CAMK4: variants seen among roughly 807,000 people sequenced by gnomAD.
The protein encoded by CAMK4 is calcium/calmodulin-dependent protein kinase type IV.
CAMK4 carries 22 observed loss-of-function variants against 44.9 expected under a neutral mutation model. That is an observed-to-expected ratio of 0.49 (90% CI 0.35 to 0.70). The LOEUF (loss-of-function observed/expected upper bound fraction) is 0.70, where lower values mean the gene tolerates loss of function less well. Ranked by LOEUF, CAMK4 falls within the 30% of genes least tolerant of loss-of-function variation. The pLI, the probability that CAMK4 is intolerant of heterozygous loss-of-function variation, is 0.01. For synonymous variants in CAMK4, 218 were observed against 215.4 expected, an observed-to-expected ratio of 1.01 and a Z score of -0.11; for missense variants, 498 against 586.8, an observed-to-expected ratio of 0.85 and a Z score of 1.56.
intron 1 of CAMK4, among the ~76,000 whole-genome samples, chr5:111,230,295 G>A (rs577873328): frequency 2.0e-5 from 3 of 152,272 alleles, no homozygotes; most frequent in Admixed American, 1.3e-4. Context: ...GCTCTGAAAT[G>A]AAAGGGATTC....
At chr5:111,460,274 T>TTC (rs1407389743) in intron 7 of CAMK4, among the ~76,000 whole-genome samples, 2 of 142,954 alleles carry the variant, frequency 1.4e-5, no homozygotes, top group African/African-American at 5.1e-5. Flanking sequence ...TCTTTTTCTT[T>TTC]TTTTTTTTTT....
At chr5:111,339,978 A>G (rs757006221) in intron 1 of CAMK4, among the ~76,000 whole-genome samples, 13 of 150,886 alleles carry the variant, frequency 8.6e-5, no homozygotes, top group Admixed American at 2.6e-4. Flanking sequence ...TTATATCTTT[A>G]TCTATTGTAA....
chr5:111,364,431 A>G (rs1172302686), intron 2 of CAMK4, among the ~76,000 whole-genome samples: 2 of 152,130 alleles, frequency 1.3e-5, no homozygotes, highest in Middle Eastern at 3.2e-3. Context: ...TCTCCCAGGA[A>G]TATTTTAAGC....
At chr5:111,325,088 G>A (rs1466039735) in intron 1 of CAMK4, among the ~76,000 whole-genome samples, 1 of 151,886 alleles carries the variant, frequency 6.6e-6, no homozygotes, top group Non-Finnish European at 1.5e-5. Flanking sequence ...TTATGAGTGA[G>A]AACATGCGGT....
chr5:111,407,225 C>T (rs1752467922), intron 5 of CAMK4, among the ~76,000 whole-genome samples: 1 of 151,992 alleles, frequency 6.6e-6, no homozygotes, highest in African/African-American at 2.4e-5. Flanking sequence ...ACGGCAGCCA[C>T]CTCTAATCCC....
At chr5:111,272,798 T>C (rs937597337) in intron 1 of CAMK4, among the ~76,000 whole-genome samples, 1 of 152,150 alleles carries the variant, frequency 6.6e-6, no homozygotes. Context: ...CTCTGTATAA[T>C]CCTTGTCTCT....
intron 1 of CAMK4, among the ~76,000 whole-genome samples, chr5:111,303,819 GA>G (rs1265355450): frequency 1.4e-5 from 2 of 143,256 alleles, no homozygotes; most frequent in Non-Finnish European, 3.0e-5. Context: ...TGAAATGAAG[GA>G]AAAAATGTTA....
chr5:111,440,737 A>G (rs1753794167), intron 5 of CAMK4, among the ~76,000 whole-genome samples: 1 of 149,508 alleles, frequency 6.7e-6, no homozygotes, highest in African/African-American at 2.4e-5. Flanking sequence ...CCTCTTTTTC[A>G]CTGAGATTTT....
chr5:111,270,826 G>A (rs1291012675), intron 1 of CAMK4, among the ~76,000 whole-genome samples: 5 of 152,208 alleles, frequency 3.3e-5, no homozygotes. Context: ...CCGAATGAGT[G>A]TATTAGACCA....
intron 7 of CAMK4, among the ~76,000 whole-genome samples, chr5:111,467,397 A>AG (rs1754877907): frequency 9.2e-5 from 11 of 119,800 alleles, no homozygotes; most frequent in East Asian, 2.3e-4. Context: ...AAAAAAAAAA[A>AG]GCAGAGTAAA....
At chr5:111,308,751 T>C (rs1266738657) in intron 1 of CAMK4, among the ~76,000 whole-genome samples, 1 of 152,224 alleles carries the variant, frequency 6.6e-6, no homozygotes, top group Non-Finnish European at 1.5e-5. Flanking sequence ...GCTTTAGCCC[T>C]AAATACTGAA....
intron 1 of CAMK4, among the ~76,000 whole-genome samples, chr5:111,227,286 A>T (rs991598423): frequency 2.6e-5 from 4 of 152,196 alleles, no homozygotes; most frequent in African/African-American, 7.2e-5. Context: ...TTCCTACACT[A>T]GAGATCAAGT....
chr5:111,380,159 A>C (rs1751359793), intron 4 of CAMK4, among the ~76,000 whole-genome samples: 1 of 152,102 alleles, frequency 6.6e-6, no homozygotes, highest in Non-Finnish European at 1.5e-5. Flanking sequence ...TTCCCTCAAA[A>C]ATGACTATAT....
At chr5:111,428,148 C>G (rs1753299481) in intron 5 of CAMK4, among the ~76,000 whole-genome samples, 1 of 152,260 alleles carries the variant, frequency 6.6e-6, no homozygotes, top group Non-Finnish European at 1.5e-5. Context: ...GGTACCTCTA[C>G]AAGTCTGCAA....
chr5:111,446,812 T>G (rs758433132), intron 6 of CAMK4, 36 bp downstream of exon 6: 13 of 1,299,298 alleles, frequency 1.0e-5, no homozygotes, highest in Admixed American at 1.7e-5. Flanking sequence ...GACCCCTTTT[T>G]TCAGAGCAGA....
chr5:111,292,805 C>T (rs1747328219), intron 1 of CAMK4, among the ~76,000 whole-genome samples: 1 of 151,972 alleles, frequency 6.6e-6, no homozygotes, highest in African/African-American at 2.4e-5. Flanking sequence ...GTGGTGCACA[C>T]CTGTAGTTCT....
At chr5:111,440,071 G>T (rs1035026235) in intron 5 of CAMK4, among the ~76,000 whole-genome samples, 2 of 152,212 alleles carry the variant, frequency 1.3e-5, no homozygotes, top group African/African-American at 4.8e-5. Flanking sequence ...GGGAATATGT[G>T]GGTTTGAGAG....
chr5:111,278,489 C>T (rs1033641066), intron 1 of CAMK4, among the ~76,000 whole-genome samples: 1 of 152,286 alleles, frequency 6.6e-6, no homozygotes, highest in Non-Finnish European at 1.5e-5. Context: ...ATATATACTA[C>T]ATTATATTAT....
chr5:111,451,789 C>T (rs1754246606), intron 7 of CAMK4, among the ~76,000 whole-genome samples: 1 of 152,014 alleles, frequency 6.6e-6, no homozygotes, highest in Non-Finnish European at 1.5e-5. Context: ...GTCCTAGTTA[C>T]TCAGGAGGCT....
Sources: gnomAD v4.1 joint callset for allele counts (sites outside exome capture counted in the v4.1 genomes callset) on GRCh38, gnomAD v4.1.1 for gene constraint, MANE v1.5 for transcripts, NCBI Gene and HGNC (gene_info 2026-07-23, HGNC 2026-07-21) for gene names.